Variants in COX10 observed in about 807,000 individuals in gnomAD.
COX10 encodes cytochrome c oxidase assembly factor heme A:farnesyltransferase COX10.
COX10 carries 27 observed loss-of-function variants against 37.3 expected under a neutral mutation model. The ratio of observed to expected loss-of-function variants is 0.72; its 90% CI spans 0.53 to 1.00. The LOEUF is 1.00. COX10 is among the 50% of genes least tolerant of loss of function. COX10 has a pLI of 0.00. For missense variants in COX10, 475 were observed against 563.2 expected (o/e 0.84, Z 1.59); for synonymous variants, 222 against 229.1 (o/e 0.97, Z 0.28).
At chr17:14,166,785 C>CTTTTTTTTTTTTT (rs57127092) in intron 5 of COX10, among the ~76,000 whole-genome samples, 98 of 100,254 alleles carry the variant, frequency 9.8e-4, no homozygotes, top group East Asian at 2.2e-3. Flanking sequence ...CTATTTCTTT[C>CTTTTTTTTTTTTT]TTTTTTTTTT....
At chr17:14,069,770 T>C in intron 1 of COX10, 122 bp downstream of exon 1, 1 of 1,174,848 alleles carries the variant, frequency 8.5e-7, no homozygotes, top group Non-Finnish European at 1.3e-6. Context: ...CGGCCACCGG[T>C]GTGGTGGGGG....
At chr17:14,205,570 T>C (rs918132231) in intron 6 of COX10, among the ~76,000 whole-genome samples, 6 of 152,128 alleles carry the variant, frequency 3.9e-5, no homozygotes, top group Non-Finnish European at 7.4e-5. Flanking sequence ...TACCCCATAG[T>C]AGGCGCCCGG....
chr17:14,131,437 A>G (rs945629368), intron 4 of COX10, among the ~76,000 whole-genome samples: 1 of 152,074 alleles, frequency 6.6e-6, no homozygotes. Flanking sequence ...ATATATGAGT[A>G]TCAGTACTCT....
intron 6 of COX10, among the ~76,000 whole-genome samples, chr17:14,200,321 A>G (rs1906509121): frequency 6.6e-6 from 1 of 152,182 alleles, no homozygotes; most frequent in African/African-American, 2.4e-5. Context: ...AGAGGTGGAA[A>G]TGATTGCGAT....
rs182939713 is a variant in COX10, at chr17:14,107,817, A to G, written c.624+5575A>G. 1.9e-3 allele frequency among the ~76,000 whole-genome samples: 284 copies of G among 152,228 alleles called. 6 individuals carry two copies. The highest frequency in any genetic ancestry group is 0.016 in the Admixed American group (245 of 15,278). ...ATTCCTAGCAGATTGTCTCCTCATT[A>G]CTATGGTTGTCACTGATTCCCAAGG... On this transcript the variant is annotated intron_variant, in intron 4 of 6. Coordinates refer to ENST00000261643, the MANE Select transcript of COX10 (RefSeq NM_001303.4).
chr17:14,080,625 AT>A (rs1191868298), intron 3 of COX10, among the ~76,000 whole-genome samples: 3 of 152,032 alleles, frequency 2.0e-5, no homozygotes, highest in African/African-American at 7.2e-5. Flanking sequence ...CATTATTTAC[AT>A]TTTGGTAAGG....
At chr17:14,126,065 T>A (rs768762429) in intron 4 of COX10, among the ~76,000 whole-genome samples, 9 of 152,204 alleles carry the variant, frequency 5.9e-5, no homozygotes, top group Admixed American at 2.0e-4. Flanking sequence ...AACAAAACAC[T>A]ACGATTAATA....
chr17:14,174,025 T>G (rs1296940358), intron 5 of COX10, among the ~76,000 whole-genome samples: 1 of 151,988 alleles, frequency 6.6e-6, no homozygotes, highest in African/African-American at 2.4e-5. Flanking sequence ...AATTAAAAAC[T>G]TCTGCTCTTC....
intron 4 of COX10, among the ~76,000 whole-genome samples, chr17:14,129,430 A>G (rs1916415574): frequency 6.6e-6 from 1 of 152,142 alleles, no homozygotes; most frequent in African/African-American, 2.4e-5. Flanking sequence ...TGTCCTCCCT[A>G]AACTCCCTTG....
At chr17:14,117,144 T>C (rs1341199892) in intron 4 of COX10, among the ~76,000 whole-genome samples, 1 of 152,256 alleles carries the variant, frequency 6.6e-6, no homozygotes. Flanking sequence ...GAAGATATTT[T>C]ATTTTTAAAG....
chr17:14,157,746 T>G (rs1905072213), intron 4 of COX10, among the ~76,000 whole-genome samples: 1 of 152,146 alleles, frequency 6.6e-6, no homozygotes, highest in Admixed American at 6.5e-5. Flanking sequence ...GACATTTAGT[T>G]TCTTACTCTG....
chr17:14,151,361 G>T (rs1380414271), intron 4 of COX10, among the ~76,000 whole-genome samples: 1 of 152,076 alleles, frequency 6.6e-6, no homozygotes, highest in Non-Finnish European at 1.5e-5. Context: ...TGCTTGTCCG[G>T]CAAAATTTAA....
chr17:14,081,869 T>C (rs554322728), intron 3 of COX10, among the ~76,000 whole-genome samples: 1 of 152,256 alleles, frequency 6.6e-6, no homozygotes, highest in Non-Finnish European at 1.5e-5. Flanking sequence ...AAAAACTAGA[T>C]GAATGGTGGT....
intron 1 of COX10, among the ~76,000 whole-genome samples, chr17:14,070,238 A>G (rs947820408): frequency 2.8e-4 from 42 of 152,320 alleles, no homozygotes; most frequent in Admixed American, 2.5e-3. Flanking sequence ...GTAATGGCTC[A>G]TCTCAAATGT....
At chr17:14,122,667 G>C (rs1029005362) in intron 4 of COX10, among the ~76,000 whole-genome samples, 1 of 152,148 alleles carries the variant, frequency 6.6e-6, no homozygotes, top group South Asian at 2.1e-4. Flanking sequence ...GGCAGTTGGC[G>C]ATTGGTGCCA....
chr17:14,093,728 G>A (rs1317971287), intron 3 of COX10, among the ~76,000 whole-genome samples: 1 of 152,204 alleles, frequency 6.6e-6, no homozygotes, highest in African/African-American at 2.4e-5. Flanking sequence ...ACAATCTAGA[G>A]GAAGAAGCGT....
At chr17:14,136,719 C>G (rs1904384427) in intron 4 of COX10, among the ~76,000 whole-genome samples, 2 of 151,798 alleles carry the variant, frequency 1.3e-5, no homozygotes, top group Admixed American at 1.3e-4. Flanking sequence ...CCAATGTTAG[C>G]AATTAATTAT....
At chr17:14,130,329 A>G (rs1916436157) in intron 4 of COX10, among the ~76,000 whole-genome samples, 1 of 152,176 alleles carries the variant, frequency 6.6e-6, no homozygotes, top group Non-Finnish European at 1.5e-5. Context: ...CAATGATTAC[A>G]AGATTTGAAG....
chr17:14,145,231 G>C (rs1327561036), intron 4 of COX10, among the ~76,000 whole-genome samples: 1 of 152,112 alleles, frequency 6.6e-6, no homozygotes, highest in African/African-American at 2.4e-5. Context: ...ATTCTTGAGA[G>C]TGGACCAGAT....
Sources: allele counts gnomAD v4.1 joint callset (sites outside exome capture counted in the v4.1 genomes callset), GRCh38; gene constraint gnomAD v4.1.1; transcripts MANE v1.5; gene names NCBI Gene and HGNC (gene_info 2026-07-23, HGNC 2026-07-21).